Variants in NCAM2 observed in about 807,000 individuals in gnomAD.
The protein encoded by NCAM2 is neural cell adhesion molecule 2.
Under a neutral mutation model 98.1 loss-of-function variants are expected in NCAM2, and 30 were observed. The ratio of observed to expected loss-of-function variants is 0.31; its 90% CI spans 0.23 to 0.41. NCAM2 has a LOEUF of 0.41. NCAM2 is among the 10% of genes least tolerant of loss of function. The pLI, the probability that NCAM2 is intolerant of heterozygous loss-of-function variation, is 1.00. For synonymous variants in NCAM2, 368 were observed against 342.4 expected, an observed-to-expected ratio of 1.07 and a Z score of -0.83; for missense variants, 867 against 1,005.8, an observed-to-expected ratio of 0.86 and a Z score of 1.87.
At chr21:21,230,409 A>C (rs1364176216) in intron 1 of NCAM2, among the ~76,000 whole-genome samples, 1 of 151,238 alleles carries the variant, frequency 6.6e-6, no homozygotes, top group Non-Finnish European at 1.5e-5. Context: ...TCTATTCCCA[A>C]AATATTTATT....
intron 5 of NCAM2, among the ~76,000 whole-genome samples, chr21:21,323,024 A>G (rs1302301153): frequency 6.6e-6 from 1 of 152,202 alleles, no homozygotes; most frequent in Non-Finnish European, 1.5e-5. Flanking sequence ...ATACAAATCC[A>G]TGAAAGAATT....
At position 21,400,736 on chromosome 21, in the gene NCAM2, A is replaced by G. The variant is rs190849443; in HGVS notation, c.1196-9538A>G. On this transcript the variant is annotated intron_variant, in intron 9 of 17. Coordinates refer to ENST00000400546, the MANE Select transcript of NCAM2 (RefSeq NM_004540.5). ...AAGTAGCAGGGATCAAAGGCACCTT[A>G]TTGTACAAACATATGCGTATCAATG... is the stretch of plus-strand genomic sequence containing the variant. Among the ~76,000 whole-genome samples the G allele has an allele frequency of 1.6e-4, 24 of 151,962 alleles. No individual in the cohort carries two copies. The East Asian group carries it at 4.5e-3, about 28-fold the overall frequency.
chr21:21,187,397 C>T (rs570774510), intron 1 of NCAM2, among the ~76,000 whole-genome samples: 143 of 151,984 alleles, frequency 9.4e-4, no homozygotes, highest in Middle Eastern at 6.8e-3. Context: ...CGTTTCTTTC[C>T]CTGGTGAGTT....
chr21:21,299,993 G>T (rs1210191994), intron 5 of NCAM2, among the ~76,000 whole-genome samples: 3 of 151,934 alleles, frequency 2.0e-5, no homozygotes, highest in Non-Finnish European at 4.4e-5. Context: ...TAGATGCTGT[G>T]TAAATAGTGT....
chr21:21,031,294 C>T (rs1412651542), intron 1 of NCAM2, among the ~76,000 whole-genome samples: 1 of 152,110 alleles, frequency 6.6e-6, no homozygotes, highest in Admixed American at 6.5e-5. Flanking sequence ...TTTGTAAAGA[C>T]TAGATGAGGT....
At chr21:21,433,742 C>CAATAAAATAAAATAAAATAAATAA (rs2077396461) in intron 12 of NCAM2, among the ~76,000 whole-genome samples, 1 of 105,200 alleles carries the variant, frequency 9.5e-6, no homozygotes, top group African/African-American at 3.9e-5. Context: ...GACTCCATCT[C>CAATAAAATAAAATAAAATAAATAA]AATAAAATAA....
chr21:21,152,517 A>G (rs900317283), intron 1 of NCAM2, among the ~76,000 whole-genome samples: 2 of 151,860 alleles, frequency 1.3e-5, no homozygotes, highest in Non-Finnish European at 2.9e-5. Flanking sequence ...AGCAGATTGT[A>G]TTACTTTGTG....
At chr21:21,323,005 A>G (rs2074417858) in intron 5 of NCAM2, among the ~76,000 whole-genome samples, 1 of 152,192 alleles carries the variant, frequency 6.6e-6, no homozygotes. Flanking sequence ...ACTACTTAAC[A>G]CATACAGAAT....
At chr21:21,350,421 G>C (rs2075303618) in intron 8 of NCAM2, among the ~76,000 whole-genome samples, 1 of 151,942 alleles carries the variant, frequency 6.6e-6, no homozygotes, top group Non-Finnish European at 1.5e-5. Context: ...TACAATCCAG[G>C]ACAGCTTCAA....
chr21:21,052,257 G>A (rs540819728), intron 1 of NCAM2, among the ~76,000 whole-genome samples: 15 of 147,200 alleles, frequency 1.0e-4, no homozygotes, highest in Non-Finnish European at 2.2e-4. Flanking sequence ...TCCGCCTCCC[G>A]GGTTCACACC....
intron 1 of NCAM2, among the ~76,000 whole-genome samples, chr21:21,015,135 A>G (rs2064282443): frequency 6.6e-6 from 1 of 152,218 alleles, no homozygotes; most frequent in African/African-American, 2.4e-5. Flanking sequence ...ATTCTGGTGA[A>G]GATGTTCTGA....
At chr21:21,424,425 G>T (rs1226499842) in intron 11 of NCAM2, among the ~76,000 whole-genome samples, 1 of 152,200 alleles carries the variant, frequency 6.6e-6, no homozygotes, top group Non-Finnish European at 1.5e-5. Flanking sequence ...GGTTGCTGTA[G>T]AAGTGTGAAT....
chr21:21,460,267 G>T (rs934939883), intron 12 of NCAM2, among the ~76,000 whole-genome samples: 2 of 151,698 alleles, frequency 1.3e-5, no homozygotes, highest in African/African-American at 2.4e-5. Context: ...TATATTAATA[G>T]GTCAATATAA....
At chr21:21,100,979 T>A (rs2066229710) in intron 1 of NCAM2, among the ~76,000 whole-genome samples, 1 of 151,570 alleles carries the variant, frequency 6.6e-6, no homozygotes, top group Non-Finnish European at 1.5e-5. Flanking sequence ...TCTGCCTAAA[T>A]GTTCCCAATT....
At position 21,267,657 on chromosome 21, in the gene NCAM2, GAAAC is replaced by G. The variant is rs541792880; in HGVS notation, c.56-12913_56-12910del. ...CAAATATGGAGCAATTTTCTTGTGTGAAACAAACAAAAATTACATACATTTGTCT... is the reference window on the plus strand; with the variant it reads ...CAAATATGGAGCAATTTTCTTGTGTGAAACAAAAATTACATACATTTGTCT... On this transcript the variant is annotated intron_variant, in intron 1 of 17. Coordinates refer to ENST00000400546, the MANE Select transcript of NCAM2 (RefSeq NM_004540.5). Among the ~76,000 whole-genome samples, 7 of 152,202 alleles carry G rather than the reference GAAAC, an allele frequency of 4.6e-5. No individual in the cohort carries two copies. The East Asian group carries it at 7.7e-4, about 17-fold the overall frequency.
At chr21:21,056,602 C>A (rs760722632) in intron 1 of NCAM2, among the ~76,000 whole-genome samples, 46 of 150,990 alleles carry the variant, frequency 3.0e-4, no homozygotes, top group Non-Finnish European at 5.8e-4. Flanking sequence ...TCTTTTCAAT[C>A]ACAAAGACGA....
chr21:21,067,707 GA>G (rs1227144408), intron 1 of NCAM2, among the ~76,000 whole-genome samples: 4 of 151,966 alleles, frequency 2.6e-5, no homozygotes, highest in Admixed American at 6.6e-5. Flanking sequence ...TATGAAGAAA[GA>G]AAAAAGTAGA....
chr21:21,133,023 C>T (rs897125281), intron 1 of NCAM2, among the ~76,000 whole-genome samples: 1 of 152,122 alleles, frequency 6.6e-6, no homozygotes, highest in African/African-American at 2.4e-5. Context: ...ATTCATTTTA[C>T]CTATATTATG....
intron 1 of NCAM2, among the ~76,000 whole-genome samples, chr21:21,182,910 A>G (rs932362581): frequency 6.6e-6 from 1 of 152,156 alleles, no homozygotes; most frequent in African/African-American, 2.4e-5. Context: ...CTTCTGTGAG[A>G]CAAAATAAAT....
Sources: allele counts gnomAD v4.1 joint callset (sites outside exome capture counted in the v4.1 genomes callset), GRCh38; gene constraint gnomAD v4.1.1; transcripts MANE v1.5; gene names NCBI Gene and HGNC (gene_info 2026-07-23, HGNC 2026-07-21).